Variants in FARS2 observed in about 807,000 individuals in gnomAD.
FARS2 encodes the protein phenylalanine--tRNA ligase, mitochondrial.
FARS2 carries 40 observed loss-of-function variants against 46.4 expected under a neutral mutation model. That is an observed-to-expected ratio of 0.86 (90% CI 0.67 to 1.12). FARS2 has a LOEUF of 1.12. Among genes scored for constraint, FARS2 ranks in the 50% most tolerant of loss-of-function variants. The probability of loss-of-function intolerance (pLI) is 0.00; values close to 1 mark genes in which losing one functional copy is unlikely to be tolerated. For missense variants in FARS2, 513 were observed against 567.9 expected, an observed-to-expected ratio of 0.90 and a Z score of 0.98; for synonymous variants, 234 against 214.9, an observed-to-expected ratio of 1.09 and a Z score of -0.78.
At chr6:5,454,232 T>A (rs903446601) in intron 4 of FARS2, among the ~76,000 whole-genome samples, 30 of 152,142 alleles carry the variant, frequency 2.0e-4, no homozygotes, top group African/African-American at 7.0e-4. Flanking sequence ...CATGCCTTTC[T>A]GCTGTCACTT....
chr6:5,304,091 A>T (rs1378299364), intron 1 of FARS2, among the ~76,000 whole-genome samples: 1 of 152,176 alleles, frequency 6.6e-6, no homozygotes, highest in African/African-American at 2.4e-5. Context: ...TAAATAAAAG[A>T]TTATCTTTTA....
chr6:5,647,458 G>C (rs1777135327), intron 6 of FARS2, among the ~76,000 whole-genome samples: 2 of 152,206 alleles, frequency 1.3e-5, no homozygotes, highest in Non-Finnish European at 2.9e-5. Context: ...GAAAGGTAGA[G>C]CATGTTCACT....
intron 4 of FARS2, among the ~76,000 whole-genome samples, chr6:5,508,374 C>G (rs1355290623): frequency 6.6e-6 from 1 of 152,176 alleles, no homozygotes; most frequent in Non-Finnish European, 1.5e-5. Flanking sequence ...TTTTTGTTAC[C>G]ATTGGAATCT....
At chr6:5,491,209 G>A (rs1391813166) in intron 4 of FARS2, among the ~76,000 whole-genome samples, 1 of 152,044 alleles carries the variant, frequency 6.6e-6, no homozygotes, top group Non-Finnish European at 1.5e-5. Flanking sequence ...TGTTTTTGAT[G>A]GCTATTTGTG....
intron 5 of FARS2, among the ~76,000 whole-genome samples, chr6:5,607,961 G>T (rs1174579220): frequency 6.8e-6 from 1 of 147,008 alleles, no homozygotes; most frequent in Non-Finnish European, 1.5e-5. Context: ...TGATTATATT[G>T]CTACTTTTTA....
chr6:5,756,870 C>T (rs1187368828), intron 6 of FARS2, among the ~76,000 whole-genome samples: 1 of 152,202 alleles, frequency 6.6e-6, no homozygotes, highest in Non-Finnish European at 1.5e-5. Flanking sequence ...CATGTTTCAG[C>T]CACCTGTCCA....
intron 1 of FARS2, among the ~76,000 whole-genome samples, chr6:5,297,525 G>C (rs1767976521): frequency 6.6e-6 from 1 of 152,052 alleles, no homozygotes; most frequent in Non-Finnish European, 1.5e-5. Flanking sequence ...GTGGGCACTT[G>C]TAATCCCAGC....
intron 1 of FARS2, among the ~76,000 whole-genome samples, chr6:5,357,113 A>G (rs1757984164): frequency 6.6e-6 from 1 of 152,210 alleles, no homozygotes; most frequent in Non-Finnish European, 1.5e-5. Flanking sequence ...TATAAAATAA[A>G]AAGTTGTTTG....
At position 5,392,735 on chromosome 6, in the gene FARS2, TACACACAC is replaced by T. The variant is rs10526282; in HGVS notation, c.613-11779_613-11772del. Among the ~76,000 whole-genome samples the T allele has an allele frequency of 2.4e-3, 345 of 142,370 alleles. 3 individuals are homozygous for T. The highest frequency in any genetic ancestry group is 0.016 in the East Asian group (80 of 4,920). 93.4% of individuals were successfully genotyped at this position (142,370 alleles called of 152,430 possible). On this transcript the variant is annotated intron_variant, in intron 2 of 6. Coordinates refer to ENST00000274680, the MANE Select transcript of FARS2 (RefSeq NM_006567.5). ...ACACTTGCTCTAAAATATATATATA[TACACACAC>T]ACACACACACACACACACACACACA...
At chr6:5,263,522 T>TA (rs994223468) in intron 1 of FARS2, among the ~76,000 whole-genome samples, 8 of 152,066 alleles carry the variant, frequency 5.3e-5, no homozygotes, top group African/African-American at 1.9e-4. Context: ...GGAGATGACT[T>TA]AAAAAAAATA....
intron 4 of FARS2, among the ~76,000 whole-genome samples, chr6:5,543,335 G>A (rs1182507663): frequency 6.6e-6 from 1 of 151,250 alleles, no homozygotes; most frequent in Non-Finnish European, 1.5e-5. Context: ...AGCGAATGGG[G>A]ATTTGTGAAA....
intron 4 of FARS2, among the ~76,000 whole-genome samples, chr6:5,437,283 C>A (rs186014818): frequency 6.6e-6 from 1 of 152,194 alleles, no homozygotes; most frequent in Admixed American, 6.5e-5. Flanking sequence ...TTGTAAAATT[C>A]TTTGTGTGGA....
intron 5 of FARS2, among the ~76,000 whole-genome samples, chr6:5,584,557 C>T (rs971712792): frequency 6.6e-6 from 1 of 152,148 alleles, no homozygotes; most frequent in African/African-American, 2.4e-5. Flanking sequence ...TTCCCTCTCT[C>T]CTTCCCGTGT....
chr6:5,301,922 A>G (rs1397315297), intron 1 of FARS2, among the ~76,000 whole-genome samples: 1 of 152,036 alleles, frequency 6.6e-6, no homozygotes, highest in Non-Finnish European at 1.5e-5. Flanking sequence ...ACCATCCTTC[A>G]TGTTGGGAAT....
intron 1 of FARS2, among the ~76,000 whole-genome samples, chr6:5,292,770 A>G (rs1561936957): frequency 6.6e-6 from 1 of 152,194 alleles, no homozygotes; most frequent in Non-Finnish European, 1.5e-5. Flanking sequence ...ATAATTGGCA[A>G]TTCAAGCCTA....
At chr6:5,262,179 T>C (rs1166835815) in intron 1 of FARS2, among the ~76,000 whole-genome samples, 1 of 152,262 alleles carries the variant, frequency 6.6e-6, no homozygotes, top group East Asian at 1.9e-4. Context: ...CCGAACCACT[T>C]GGTCACGGTT....
At chr6:5,669,141 T>C (rs1778314019) in intron 6 of FARS2, among the ~76,000 whole-genome samples, 1 of 152,188 alleles carries the variant, frequency 6.6e-6, no homozygotes, top group Non-Finnish European at 1.5e-5. Flanking sequence ...CAAACAGATG[T>C]TAATTCCCTT....
At chr6:5,269,477 TAACC>T (rs1765794992) in intron 1 of FARS2, among the ~76,000 whole-genome samples, 7 of 138,916 alleles carry the variant, frequency 5.0e-5, no homozygotes, top group Non-Finnish European at 1.1e-4. Flanking sequence ...AAAATGAAAA[TAACC>T]AAAAAAAAAA....
At chr6:5,304,510 G>T (rs1318771260) in intron 1 of FARS2, among the ~76,000 whole-genome samples, 1 of 152,148 alleles carries the variant, frequency 6.6e-6, no homozygotes, top group East Asian at 1.9e-4. Context: ...CTTCTAAAAC[G>T]TATTGGCAGA....
Sources: allele counts gnomAD v4.1 joint callset (sites outside exome capture counted in the v4.1 genomes callset), GRCh38; gene constraint gnomAD v4.1.1; transcripts MANE v1.5; gene names NCBI Gene and HGNC (gene_info 2026-07-23, HGNC 2026-07-21).